The following OTUD7A variants were observed in gnomAD, a reference collection of about 807,000 sequenced individuals.
OTUD7A encodes the protein OTU domain-containing protein 7A.
Under a neutral mutation model 65.7 loss-of-function variants are expected in OTUD7A, and 12 were observed. The ratio of observed to expected loss-of-function variants is 0.18; its 90% CI spans 0.12 to 0.30. OTUD7A has a LOEUF of 0.30. Ranked by LOEUF, OTUD7A falls within the 10% of genes least tolerant of loss-of-function variation. The pLI, the probability that OTUD7A is intolerant of heterozygous loss-of-function variation, is 1.00. For synonymous variants in OTUD7A, 641 were observed against 586.3 expected (o/e 1.09, Z -1.35); for missense variants, 1,148 against 1,304.8 (o/e 0.88, Z 1.85).
intron 1 of OTUD7A, among the ~76,000 whole-genome samples, chr15:31,760,889 A>C (rs1010081277): frequency 6.6e-6 from 1 of 152,186 alleles, no homozygotes; most frequent in Admixed American, 6.5e-5. Flanking sequence ...GCAGCAAGAT[A>C]ATTTTGTGGG....
intron 3 of OTUD7A, among the ~76,000 whole-genome samples, chr15:31,597,550 C>A (rs1407208347): frequency 6.6e-6 from 1 of 151,892 alleles, no homozygotes; most frequent in Admixed American, 6.6e-5. Context: ...CTTCCCCTTG[C>A]CCTTGGTGCA....
At chr15:31,555,397 T>C (rs1480697355) in intron 5 of OTUD7A, among the ~76,000 whole-genome samples, 20 of 152,224 alleles carry the variant, frequency 1.3e-4, no homozygotes, top group Admixed American at 1.3e-3. Context: ...TAATATTGCA[T>C]ATAAATAGTT....
intron 8 of OTUD7A, among the ~76,000 whole-genome samples, chr15:31,513,477 G>T (rs1391768334): frequency 6.6e-6 from 1 of 152,226 alleles, no homozygotes; most frequent in South Asian, 2.1e-4. Context: ...TCAGGATCAG[G>T]TGCTGCATTC....
intron 5 of OTUD7A, among the ~76,000 whole-genome samples, chr15:31,554,183 A>C (rs1361891339): frequency 6.6e-6 from 1 of 151,878 alleles, no homozygotes; most frequent in Non-Finnish European, 1.5e-5. Context: ...TCTCCTTCCT[A>C]ACCTCCCCAG....
intron 1 of OTUD7A, among the ~76,000 whole-genome samples, chr15:31,685,284 T>C (rs1284402737): frequency 2.0e-5 from 3 of 152,226 alleles, no homozygotes; most frequent in African/African-American, 7.2e-5. Context: ...ATTTTTTTCA[T>C]TGCTTTGTAG....
At chr15:31,543,966 T>A (rs980748182) in intron 5 of OTUD7A, among the ~76,000 whole-genome samples, 6 of 151,812 alleles carry the variant, frequency 4.0e-5, no homozygotes, top group African/African-American at 1.4e-4. Flanking sequence ...GGAATGATTT[T>A]AAAAAAACTG....
intron 3 of OTUD7A, among the ~76,000 whole-genome samples, chr15:31,605,451 C>T (rs1346900339): frequency 6.6e-6 from 1 of 152,132 alleles, no homozygotes; most frequent in East Asian, 1.9e-4. Context: ...TCACCCTGGG[C>T]CCTCTGGGGT....
chr15:31,641,109 G>A (rs1259686040), intron 3 of OTUD7A, among the ~76,000 whole-genome samples: 1 of 152,124 alleles, frequency 6.6e-6, no homozygotes, highest in East Asian at 1.9e-4. Context: ...GGATCATGGG[G>A]GCAGTTTCCC....
chr15:31,610,532 T>A (rs1421077618), intron 3 of OTUD7A, among the ~76,000 whole-genome samples: 2 of 145,842 alleles, frequency 1.4e-5, no homozygotes, highest in Non-Finnish European at 3.0e-5. Context: ...TGGGACTTTC[T>A]CCAAGATAGA....
chr15:31,488,315 ACT>A (rs2041268649), intron 10 of OTUD7A, among the ~76,000 whole-genome samples: 1 of 151,624 alleles, frequency 6.6e-6, no homozygotes, highest in African/African-American at 2.4e-5. Context: ...CTGTGGTGAA[ACT>A]CACCACCCGT....
intron 1 of OTUD7A, among the ~76,000 whole-genome samples, chr15:31,829,858 G>T (rs1025387033): frequency 6.6e-6 from 1 of 152,182 alleles, no homozygotes; most frequent in Non-Finnish European, 1.5e-5. Flanking sequence ...CTAAGAGTTG[G>T]AAACACTTCC....
chr15:31,618,227 C>T (rs1444037008), intron 3 of OTUD7A, among the ~76,000 whole-genome samples: 2 of 152,116 alleles, frequency 1.3e-5, no homozygotes, highest in Admixed American at 6.6e-5. Flanking sequence ...TGAATAGTGC[C>T]TCAATAAACA....
chr15:31,793,182 C>T (rs16955912), intron 1 of OTUD7A, among the ~76,000 whole-genome samples: 3,399 of 152,204 alleles, frequency 0.022, 150 homozygotes, highest in African/African-American at 0.077. Flanking sequence ...TCTGATAATG[C>T]GGCAGAACTT....
At chr15:31,508,395 C>G (rs914155709) in intron 8 of OTUD7A, among the ~76,000 whole-genome samples, 1 of 77,964 alleles carries the variant, frequency 1.3e-5, no homozygotes, top group Non-Finnish European at 2.5e-5. Context: ...GTCACCCAGG[C>G]TGGAGTGCAG....
intron 3 of OTUD7A, among the ~76,000 whole-genome samples, chr15:31,628,734 G>A (rs1891044904): frequency 6.6e-6 from 1 of 152,084 alleles, no homozygotes; most frequent in Non-Finnish European, 1.5e-5. Context: ...AGCATGGAAT[G>A]TTCTTCCATT....
intron 1 of OTUD7A, among the ~76,000 whole-genome samples, chr15:31,835,687 C>T (rs1005863845): frequency 6.6e-6 from 1 of 152,134 alleles, no homozygotes; most frequent in African/African-American, 2.4e-5. Context: ...TACAAACACA[C>T]ATACACATAT....
intron 3 of OTUD7A, among the ~76,000 whole-genome samples, chr15:31,572,051 T>C (rs1034419762): frequency 6.6e-6 from 1 of 152,214 alleles, no homozygotes; most frequent in Non-Finnish European, 1.5e-5. Flanking sequence ...ATTAATTCCA[T>C]CTCTATGAGA....
intron 1 of OTUD7A, among the ~76,000 whole-genome samples, chr15:31,796,547 G>C (rs1303014447): frequency 6.6e-6 from 1 of 152,144 alleles, no homozygotes; most frequent in Non-Finnish European, 1.5e-5. Flanking sequence ...GCAACATTCA[G>C]ATGTATTTGA....
At chr15:31,864,884 GGTAA>G (rs1459775083) in intron 1 of OTUD7A, among the ~76,000 whole-genome samples, 8 of 152,056 alleles carry the variant, frequency 5.3e-5, no homozygotes, top group African/African-American at 1.7e-4. Context: ...CTGGGCTGAT[GGTAA>G]GTGAGACAAA....
Sources: gnomAD v4.1 joint callset for allele counts (sites outside exome capture counted in the v4.1 genomes callset) on GRCh38, gnomAD v4.1.1 for gene constraint, MANE v1.5 for transcripts, NCBI Gene and HGNC (gene_info 2026-07-23, HGNC 2026-07-21) for gene names.